The following CMPK2 variants were observed in gnomAD, a reference collection of about 807,000 sequenced individuals.
CMPK2 encodes the protein UMP-CMP kinase 2, mitochondrial.
Under a neutral mutation model 33.4 loss-of-function variants are expected in CMPK2, and 32 were observed. The observed-to-expected ratio is 0.96, with a 90% CI of 0.72 to 1.29. The LOEUF (loss-of-function observed/expected upper bound fraction) is 1.29. Ranked by LOEUF, CMPK2 falls within the 50% of genes most tolerant of loss-of-function variation. The pLI is 0.00. For synonymous variants in CMPK2, 299 were observed against 275.3 expected (o/e 1.09, Z -0.85); for missense variants, 672 against 616.0 (o/e 1.09, Z -0.96).
At chr2:6,857,060 A>G (rs1010200679) in intron 3 of CMPK2, among the ~76,000 whole-genome samples, 3 of 152,152 alleles carry the variant, frequency 2.0e-5, no homozygotes, top group African/African-American at 7.2e-5. Context: ...CTATCATATG[A>G]TATGTTCTGA....
rs1572133197 is a variant in CMPK2, at chr2:6,849,691, G to A, written c.*159C>T. ...TGACGGGTCCATCAGTCAGAAGAGGGTACGATGGCTGAAGTAAAATTAAGA... is the reference window on the plus strand; with the variant it reads ...TGACGGGTCCATCAGTCAGAAGAGGATACGATGGCTGAAGTAAAATTAAGA... On this transcript the variant is annotated 3_prime_UTR_variant, in exon 5 of 5. Coordinates refer to ENST00000256722, the MANE Select transcript of CMPK2 (RefSeq NM_207315.4). 6.7e-7 allele frequency: 1 copy of A among 1,500,156 alleles called. No homozygotes were observed. Among genetic ancestry groups the A allele is most frequent in the East Asian group, 2.4e-5 (1 of 42,004 alleles). 92.9% of individuals were successfully genotyped at this position (1,500,156 alleles called of 1,614,324 possible). A position where few individuals can be genotyped will look rare whatever the true frequency, so the allele number is the denominator to read the frequency against.
Position 6,865,158 on chromosome 2 carries a change from T to C in CMPK2, c.539A>G (p.Gln180Arg). 6.5e-7 allele frequency: 1 copy of C among 1,535,124 alleles called. No individual in the cohort carries two copies. The highest frequency in any genetic ancestry group is 8.8e-7 in the Non-Finnish European group (1 of 1,142,552). Residue 180 changes from glutamine (Q) to arginine (R), a missense_variant, in exon 1 of 5, where the codon CAA (glutamine) becomes CGA (arginine). Physicochemically the swap from Gln to Arg is conservative, Grantham distance 43 (BLOSUM62 1). Transcript: ENST00000256722. ...GCCCACCTGCAGCCGCCTGCCGTCT[T>C]GCACCTCCCAGAGGCGCTGCCACAG... ...GQLWQRLWEV[Q>R]DGRRLQVGCA...
At chr2:6,850,051 G>A in intron 4 of CMPK2, 78 bp from the exon 5 acceptor site, 2 of 1,135,440 alleles carry the variant, frequency 1.8e-6, no homozygotes, top group South Asian at 1.4e-5. Context: ...TCCTACCATA[G>A]TATAAATAGC....
upstream of CMPK2, chr2:6,866,361 C>G (rs1171144566): frequency 3.4e-6 from 3 of 875,778 alleles, no homozygotes; most frequent in South Asian, 1.0e-4. Context: ...TCTTCCCTCT[C>G]CTGTATCTTA....
intron 3 of CMPK2, 122 bp downstream of exon 3, chr2:6,861,062 C>A (rs924386958): frequency 2.5e-6 from 2 of 794,154 alleles, no homozygotes; most frequent in East Asian, 2.6e-5. Flanking sequence ...GACTTAAACA[C>A]AATTTTTTTC....
chr2:6,865,633 C>A lies in CMPK2; in HGVS notation c.64G>T (p.Val22Phe). 1 of 1,356,856 alleles carries A rather than the reference C, an allele frequency of 7.4e-7. No individual in the cohort carries two copies. The allele number at this position is 1,356,856 out of a possible 1,614,324, so 84.1% of individuals were successfully genotyped here. A position where few individuals can be genotyped will look rare whatever the true frequency, so the allele number is the denominator to read the frequency against. The change falls in exon 1 of 5, where the codon GTC becomes TTC. Residue 22 changes from valine (V) to phenylalanine (F), a missense_variant. By Grantham distance (50) the Val-to-Phe change is conservative. Transcript: ENST00000256722. ...LSGPLLGRRG[V>F]CAGAMAPPRR... Reference sequence around the variant, plus strand: ...GGCGGAGCCATGGCCCCAGCGCAGACCCCGCGCCGCCCGAGCAGCGGCCCC... The same window carrying A: ...GGCGGAGCCATGGCCCCAGCGCAGAACCCGCGCCGCCCGAGCAGCGGCCCC...
Position 6,863,682 on chromosome 2 carries a change from G to A in CMPK2, c.676-104C>T. The A allele has an allele frequency of 5.4e-6, 4 of 741,420 alleles. No homozygotes were observed. In the South Asian group the frequency reaches 6.7e-5, roughly 12 times the overall value. The allele number at this position is 741,420 out of a possible 1,614,324, so 45.9% of individuals were successfully genotyped here. A position where few individuals can be genotyped will look rare whatever the true frequency, so the allele number is the denominator to read the frequency against. ...ATTGCCGCATGCTAATAAGGCCTAA[G>A]TTATACTGAGCACTGTGCCAGGCCA... On this transcript the variant is annotated intron_variant, in intron 1 of 4. Transcript: ENST00000256722.
chr2:6,845,775 C>A (rs976200244), downstream of CMPK2, among the ~76,000 whole-genome samples: 1 of 152,204 alleles, frequency 6.6e-6, no homozygotes, highest in African/African-American at 2.4e-5. Context: ...CAGAATTCCA[C>A]AGAATGGGAC....
chr2:6,858,141 T>A (rs967124338), intron 3 of CMPK2, among the ~76,000 whole-genome samples: 4 of 152,080 alleles, frequency 2.6e-5, no homozygotes, highest in Admixed American at 6.5e-5. Context: ...CTTATTTCAG[T>A]CTTAGCTTCA....
intron 3 of CMPK2, 151 bp from the exon 4 acceptor site, chr2:6,851,834 TAA>T: frequency 1.6e-6 from 1 of 624,614 alleles, no homozygotes; most frequent in Non-Finnish European, 2.7e-6. Flanking sequence ...TTTTATAAAC[TAA>T]AAAAAGTTAT....
At chr2:6,855,078 C>G (rs968002328) in intron 3 of CMPK2, among the ~76,000 whole-genome samples, 1 of 151,832 alleles carries the variant, frequency 6.6e-6, no homozygotes, top group Non-Finnish European at 1.5e-5. Flanking sequence ...ACCAAAATCT[C>G]ATGCCAAAGG....
chr2:6,843,943 G>A (rs1423268897), downstream of CMPK2, among the ~76,000 whole-genome samples: 1 of 152,156 alleles, frequency 6.6e-6, no homozygotes, highest in African/African-American at 2.4e-5. Context: ...AGTTCGAGTT[G>A]CTGGAGCCAA....
intron 3 of CMPK2, among the ~76,000 whole-genome samples, chr2:6,856,416 G>A (rs867204177): frequency 5.9e-5 from 9 of 152,128 alleles, no homozygotes; most frequent in Non-Finnish European, 2.9e-5. Flanking sequence ...GCAGAACAGG[G>A]GTGTAGGGGC....
chr2:6,865,290 G>A lies in CMPK2; in HGVS notation c.407C>T (p.Pro136Leu). ...TTGCCGGGTGTCAGGGTCATCCAGG[G>A]GGTCGCGCAGCAGGAAGCCTTGCTG... The part of the protein sequence containing the change: ...GAQQGFLLRD[P>L]LDDPDTRQAL... Residue 136 changes from proline to leucine, a missense_variant, in exon 1 of 5, where the codon CCC (proline) becomes CTC (leucine). Pro to Leu is a moderately conservative substitution (Grantham distance 98). Transcript: ENST00000256722. 1.3e-6 allele frequency: 2 copies of A among 1,529,572 alleles called. No homozygotes were observed. The highest frequency in any genetic ancestry group is 1.7e-6 in the Non-Finnish European group (2 of 1,146,470). 94.8% of individuals were successfully genotyped at this position (1,529,572 alleles called of 1,614,324 possible).
Position 6,849,862 on chromosome 2 carries a change from A to G in CMPK2, c.1338T>C (p.Phe446=), listed in dbSNP as rs778100114. The G allele has an allele frequency of 1.7e-5, 28 of 1,613,844 alleles. No individual in the cohort carries two copies. The highest frequency in any genetic ancestry group is 2.2e-5 in the South Asian group (2 of 91,026). ...CTGGCCAGAGTAACTACGGTTCACT[A>G]AAACTATTCTGGATTAGGCTTAATA... ...QTVLSLIQNS[F]SEP Residue 446 remains phenylalanine (F), a synonymous_variant, in exon 5 of 5, where the codon TTT becomes TTC. Coordinates refer to ENST00000256722, the MANE Select transcript of CMPK2 (RefSeq NM_207315.4).
In CMPK2 at chr2:6,865,325, G is replaced by C; in HGVS notation, c.372C>G (p.Ala124=). The C allele has an allele frequency of 6.7e-7, 1 of 1,494,062 alleles. No homozygotes were observed. Among genetic ancestry groups the C allele is most frequent in the Non-Finnish European group, 8.9e-7 (1 of 1,129,798 alleles). 92.6% of individuals were successfully genotyped at this position (1,494,062 alleles called of 1,614,324 possible). ...GCAGGAAGCCTTGCTGTGCGCCGCC[G>C]GCCTGGCCGCCCGGGCAGTAGCAGA... is the stretch of plus-strand genomic sequence containing the variant. ...RLLCYCPGGQ[A]GGAQQGFLLR... Residue 124 remains alanine, a synonymous_variant, in exon 1 of 5, where the codon GCC becomes GCG. Transcript: ENST00000256722.
chr2:6,851,086 G>C, intron 4 of CMPK2: 2 of 1,088,160 alleles, frequency 1.8e-6, no homozygotes, highest in South Asian at 5.4e-5. Context: ...CACACGGGAA[G>C]CATCTAATAG....
downstream of CMPK2, among the ~76,000 whole-genome samples, chr2:6,847,106 G>T (rs562468978): frequency 6.6e-6 from 1 of 152,108 alleles, no homozygotes; most frequent in Non-Finnish European, 1.5e-5. Context: ...GGGGTTTTAC[G>T]GGCTGGAAAG....
chr2:6,862,376 T>C (rs1460027518), intron 2 of CMPK2, among the ~76,000 whole-genome samples: 1 of 152,214 alleles, frequency 6.6e-6, no homozygotes, highest in Non-Finnish European at 1.5e-5. Context: ...TGATAGGCCT[T>C]GGTGCAGGAT....
Sources: allele counts gnomAD v4.1 joint callset (sites outside exome capture counted in the v4.1 genomes callset), GRCh38; gene constraint gnomAD v4.1.1; transcripts MANE v1.5; gene names NCBI Gene and HGNC (gene_info 2026-07-23, HGNC 2026-07-21).